MAGI3: variants seen among roughly 807,000 people sequenced by gnomAD.
MAGI3 encodes membrane-associated guanylate kinase, WW and PDZ domain-containing protein 3.
In MAGI3, 43 loss-of-function variants were observed where a neutral mutation model predicts 121.8. The observed-to-expected ratio is 0.35, with a 90% CI of 0.28 to 0.46. MAGI3 has a LOEUF of 0.46. MAGI3 is among the 20% of genes least tolerant of loss of function. The pLI is 1.00. For synonymous variants in MAGI3, 553 were observed against 639.3 expected (o/e 0.86, Z 2.04); for missense variants, 1,547 against 1,797.3 (o/e 0.86, Z 2.52).
At chr1:113,562,074 T>G (rs535784891) in intron 2 of MAGI3, among the ~76,000 whole-genome samples, 4 of 152,176 alleles carry the variant, frequency 2.6e-5, no homozygotes, top group Admixed American at 2.6e-4. Context: ...GTGAATGACC[T>G]CTTCAAGGAG....
intron 6 of MAGI3, among the ~76,000 whole-genome samples, chr1:113,596,721 T>TA (rs1225466788): frequency 6.6e-6 from 1 of 151,978 alleles, no homozygotes; most frequent in Non-Finnish European, 1.5e-5. Context: ...AAAAGATATT[T>TA]AAAATTATTA....
chr1:113,532,136 G>A (rs1448619638), intron 1 of MAGI3, among the ~76,000 whole-genome samples: 1 of 151,942 alleles, frequency 6.6e-6, no homozygotes, highest in Non-Finnish European at 1.5e-5. Context: ...ATTGAGTTAG[G>A]CAATTTAATT....
At chr1:113,671,676 T>C in intron 16 of MAGI3, 58 bp from the exon 17 acceptor site, 1 of 1,531,460 alleles carries the variant, frequency 6.5e-7, no homozygotes. Context: ...ACAGATCCGC[T>C]TGGCCTTCAC....
At chr1:113,513,823 C>A (rs528918149) in intron 1 of MAGI3, among the ~76,000 whole-genome samples, 2 of 152,248 alleles carry the variant, frequency 1.3e-5, no homozygotes, top group South Asian at 4.1e-4. Flanking sequence ...AAAGAAACTA[C>A]CATCAGAGTG....
At chr1:113,546,976 G>A (rs952627386) in intron 1 of MAGI3, among the ~76,000 whole-genome samples, 4 of 151,642 alleles carry the variant, frequency 2.6e-5, no homozygotes, top group Admixed American at 1.3e-4. Flanking sequence ...CCAACTACTC[G>A]GGAGGCTGAG....
rs1655985202 is a variant in MAGI3 at position 113,478,946 on chromosome 1, C to G, written c.317-70569C>G. On this transcript the variant is annotated intron_variant, in intron 1 of 20. Transcript: ENST00000307546. ...AGCCGCTTTGTTTACCTACTCAAGC[C>G]TCAGCAATGGCAGATGCCCCTCCCC... 2.0e-5 allele frequency among the ~76,000 whole-genome samples: 3 copies of G among 152,206 alleles called. No individual in the cohort carries two copies. In the South Asian group the frequency reaches 6.2e-4, roughly 31 times the overall value.
intron 1 of MAGI3, among the ~76,000 whole-genome samples, chr1:113,410,240 T>A (rs909639335): frequency 1.7e-4 from 26 of 152,020 alleles, no homozygotes; most frequent in African/African-American, 6.3e-4. Flanking sequence ...GAGTGACAAT[T>A]CTTTTGAGGC....
At chr1:113,550,965 A>T (rs1659762459) in intron 2 of MAGI3, among the ~76,000 whole-genome samples, 2 of 106,440 alleles carry the variant, frequency 1.9e-5, no homozygotes. Context: ...ACAAGAAAAA[A>T]AAAAAAGAAG....
intron 1 of MAGI3, among the ~76,000 whole-genome samples, chr1:113,495,154 T>A (rs956040189): frequency 6.6e-6 from 1 of 152,196 alleles, no homozygotes; most frequent in East Asian, 1.9e-4. Flanking sequence ...CCAGTTTAAC[T>A]GCTAAGTGAT....
At chr1:113,615,087 G>C (rs1306374504) in intron 7 of MAGI3, among the ~76,000 whole-genome samples, 1 of 152,132 alleles carries the variant, frequency 6.6e-6, no homozygotes, top group Non-Finnish European at 1.5e-5. Context: ...TACACCTAAA[G>C]GTGTGCTCTC....
intron 9 of MAGI3, among the ~76,000 whole-genome samples, chr1:113,639,130 G>GT (rs1652264832): frequency 1.3e-5 from 2 of 152,228 alleles, no homozygotes; most frequent in African/African-American, 4.8e-5. Context: ...TCCAGGTGCC[G>GT]TCTGTCACCC....
intron 4 of MAGI3, among the ~76,000 whole-genome samples, chr1:113,588,418 A>G (rs1648511038): frequency 6.6e-6 from 1 of 152,202 alleles, no homozygotes; most frequent in African/African-American, 2.4e-5. Context: ...GATCATTTAG[A>G]TAATGATGGG....
At chr1:113,632,550 A>T (rs1651702088) in intron 9 of MAGI3, among the ~76,000 whole-genome samples, 1 of 152,190 alleles carries the variant, frequency 6.6e-6, no homozygotes, top group Admixed American at 6.5e-5. Context: ...AGACTGTATT[A>T]AAAAATACCC....
chr1:113,659,248 C>T lies in MAGI3; in HGVS notation c.2798C>T (p.Thr933Met), dbSNP rs754013040. Reference sequence around the variant, plus strand: ...GATGCTGGTGTCACCGTCACACTAACGGTCATTGCTGAAGAAGGTAAGGAG... The same window carrying T: ...GATGCTGGTGTCACCGTCACACTAATGGTCATTGCTGAAGAAGGTAAGGAG... ...IKDAGVTVTL[T>M]VIAEEEHHGP... The change falls in exon 16 of 21, where the codon ACG becomes ATG. Residue 933 changes from threonine (T) to methionine (M), a missense_variant. Thr to Met is a moderately conservative substitution (Grantham distance 81). Coordinates refer to ENST00000307546, the MANE Select transcript of MAGI3 (RefSeq NM_001142782.2). 10 of 1,613,526 alleles carry T rather than the reference C, an allele frequency of 6.2e-6. No individual in the cohort carries two copies. Among genetic ancestry groups the T allele is most frequent in the African/African-American group, 4.0e-5 (3 of 74,880 alleles).
At chr1:113,398,023 A>G (rs1265562169) in intron 1 of MAGI3, among the ~76,000 whole-genome samples, 1 of 152,044 alleles carries the variant, frequency 6.6e-6, no homozygotes, top group Non-Finnish European at 1.5e-5. Flanking sequence ...TTATATCTCC[A>G]TTCTTCCCTG....
At chr1:113,478,714 T>C (rs1655972356) in intron 1 of MAGI3, among the ~76,000 whole-genome samples, 1 of 152,222 alleles carries the variant, frequency 6.6e-6, no homozygotes, top group Non-Finnish European at 1.5e-5. Flanking sequence ...AGGGACCCAC[T>C]TGAGGAGGCA....
intron 8 of MAGI3, 81 bp from the exon 9 acceptor site, chr1:113,622,725 A>C: frequency 8.8e-7 from 1 of 1,139,284 alleles, no homozygotes; most frequent in Non-Finnish European, 1.2e-6. Context: ...AACATTAAAA[A>C]GTCATATAAA....
At chr1:113,596,036 AC>A (rs1432178232) in intron 6 of MAGI3, among the ~76,000 whole-genome samples, 64 of 416 alleles carry the variant, frequency 0.15, no homozygotes, top group African/African-American at 0.17. Context: ...GTCTCAAAAT[AC>A]TAATACTAAT....
At chr1:113,635,704 C>T (rs1199872488) in intron 9 of MAGI3, among the ~76,000 whole-genome samples, 117 of 152,348 alleles carry the variant, frequency 7.7e-4, no homozygotes, top group Non-Finnish European at 7.8e-4. Flanking sequence ...GGTTGTGTCT[C>T]TGCCCAGCTT....
Sources: gnomAD v4.1 joint callset for allele counts (sites outside exome capture counted in the v4.1 genomes callset) on GRCh38, gnomAD v4.1.1 for gene constraint, MANE v1.5 for transcripts, NCBI Gene and HGNC (gene_info 2026-07-23, HGNC 2026-07-21) for gene names.